CHST8: variants seen among roughly 807,000 people sequenced by gnomAD.
CHST8 encodes the protein GALNAC-4-ST1.
Under a neutral mutation model 15.0 loss-of-function variants are expected in CHST8, and 10 were observed. The observed-to-expected ratio is 0.67, with a 90% CI of 0.41 to 1.13. CHST8 has a LOEUF of 1.13. Ranked by LOEUF, CHST8 falls within the 50% of genes most tolerant of loss-of-function variation. The pLI, the probability that CHST8 is intolerant of heterozygous loss-of-function variation, is 0.00. For synonymous variants in CHST8, 259 were observed against 256.6 expected (o/e 1.01, Z -0.09); for missense variants, 634 against 608.2 (o/e 1.04, Z -0.45).
intron 1 of CHST8, among the ~76,000 whole-genome samples, chr19:33,648,713 C>T (rs1012689358): frequency 3.0e-4 from 45 of 152,150 alleles, no homozygotes; most frequent in African/African-American, 1.1e-3. Flanking sequence ...TGGGTGTATA[C>T]CCAAGAGAAA....
At chr19:33,749,385 C>G (rs1196628063) in intron 3 of CHST8, among the ~76,000 whole-genome samples, 1 of 147,504 alleles carries the variant, frequency 6.8e-6, no homozygotes, top group East Asian at 2.0e-4. Flanking sequence ...CACCATCCTC[C>G]TACCATCCCC....
chr19:33,683,822 C>T (rs1270209434), intron 2 of CHST8, among the ~76,000 whole-genome samples: 2 of 152,176 alleles, frequency 1.3e-5, no homozygotes, highest in African/African-American at 4.8e-5. Context: ...GAAGGGCTGT[C>T]ACCGCGATGG....
At chr19:33,757,201 G>A (rs1210136359) in intron 3 of CHST8, among the ~76,000 whole-genome samples, 1 of 151,690 alleles carries the variant, frequency 6.6e-6, no homozygotes, top group Non-Finnish European at 1.5e-5. Context: ...ACCAGCCTGG[G>A]CAACATAGTA....
At chr19:33,709,694 A>T (rs2145291535) in intron 3 of CHST8, among the ~76,000 whole-genome samples, 1 of 152,198 alleles carries the variant, frequency 6.6e-6, no homozygotes, top group South Asian at 2.1e-4. Flanking sequence ...TCAGATTAAT[A>T]CAGGATTTAA....
chr19:33,738,688 C>G (rs745795316), intron 3 of CHST8, among the ~76,000 whole-genome samples: 16 of 152,256 alleles, frequency 1.1e-4, no homozygotes, highest in Non-Finnish European at 1.9e-4. Context: ...CTCCAGGGTT[C>G]AAGCAATTCT....
intron 2 of CHST8, among the ~76,000 whole-genome samples, chr19:33,673,581 G>A (rs1428470140): frequency 6.6e-6 from 1 of 152,090 alleles, no homozygotes; most frequent in Non-Finnish European, 1.5e-5. Context: ...CCACCAGGCC[G>A]GAGGACGTCT....
intron 3 of CHST8, among the ~76,000 whole-genome samples, chr19:33,730,296 G>A (rs774476768): frequency 4.6e-5 from 7 of 152,226 alleles, no homozygotes; most frequent in Non-Finnish European, 7.3e-5. Context: ...ACAGTCAGAG[G>A]AAGCAAGGTT....
intron 3 of CHST8, among the ~76,000 whole-genome samples, chr19:33,733,991 A>G (rs975093218): frequency 1.2e-4 from 18 of 152,192 alleles, no homozygotes; most frequent in Admixed American, 1.1e-3. Context: ...AACCAGAGCA[A>G]CTCCATCTTG....
intron 3 of CHST8, among the ~76,000 whole-genome samples, chr19:33,722,535 A>G (rs748970943): frequency 6.6e-6 from 1 of 152,160 alleles, no homozygotes; most frequent in Non-Finnish European, 1.5e-5. Flanking sequence ...CAGTTCGCAC[A>G]CCCAGCATTC....
chr19:33,689,655 A>G (rs1003040103), intron 3 of CHST8, among the ~76,000 whole-genome samples: 3 of 152,220 alleles, frequency 2.0e-5, no homozygotes, highest in Non-Finnish European at 2.9e-5. Context: ...CTATTGAGCC[A>G]GTTGTTGCCC....
intron 3 of CHST8, among the ~76,000 whole-genome samples, chr19:33,699,997 C>T (rs893576699): frequency 1.3e-5 from 2 of 152,236 alleles, no homozygotes; most frequent in Non-Finnish European, 2.9e-5. Flanking sequence ...CCTACCTGCT[C>T]TCTCTGAGCA....
At chr19:33,739,456 G>C (rs1184941536) in intron 3 of CHST8, among the ~76,000 whole-genome samples, 2 of 152,212 alleles carry the variant, frequency 1.3e-5, no homozygotes, top group African/African-American at 4.8e-5. Flanking sequence ...ATATCCCAGA[G>C]AGTGTTTGCA....
intron 3 of CHST8, among the ~76,000 whole-genome samples, chr19:33,749,989 C>A (rs1041938979): frequency 1.8e-4 from 28 of 152,326 alleles, no homozygotes; most frequent in African/African-American, 5.8e-4. Flanking sequence ...CTCCCTGAGG[C>A]CTGGCGCCCC....
At chr19:33,670,216 A>G (rs1258132341) in intron 2 of CHST8, among the ~76,000 whole-genome samples, 1 of 152,200 alleles carries the variant, frequency 6.6e-6, no homozygotes, top group Non-Finnish European at 1.5e-5. Flanking sequence ...ACAAAACCCC[A>G]ATGCATTGAG....
chr19:33,644,569 T>C lies in CHST8; in HGVS notation c.-164+22273T>C, dbSNP rs571002952. Among the ~76,000 whole-genome samples, 48 of 149,186 alleles carry C rather than the reference T, an allele frequency of 3.2e-4. No individual in the cohort carries two copies. In the South Asian group the frequency reaches 9.8e-3, roughly 30 times the overall value. On this transcript the variant is annotated intron_variant, in intron 1 of 4. Transcript: ENST00000650847. ...GGGCAACATAGCAAGACTCCGTCTCTAAAAAAAAAAATTTTTTTTTAATTA... is the reference window on the plus strand; with the variant it reads ...GGGCAACATAGCAAGACTCCGTCTCCAAAAAAAAAAATTTTTTTTTAATTA...
intron 2 of CHST8, among the ~76,000 whole-genome samples, chr19:33,688,474 C>T (rs894320323): frequency 2.0e-5 from 3 of 152,188 alleles, no homozygotes; most frequent in African/African-American, 4.8e-5. Context: ...AGCTGCCCCA[C>T]CTCCACTCCA....
chr19:33,746,535 T>G (rs1398233051), intron 3 of CHST8, among the ~76,000 whole-genome samples: 1 of 152,238 alleles, frequency 6.6e-6, no homozygotes, highest in Non-Finnish European at 1.5e-5. Flanking sequence ...GTTGGTGTTT[T>G]TCTTACAGGC....
At chr19:33,721,948 G>T (rs1188510284) in intron 3 of CHST8, among the ~76,000 whole-genome samples, 1 of 151,612 alleles carries the variant, frequency 6.6e-6, no homozygotes, top group Non-Finnish European at 1.5e-5. Context: ...TGGATGGGTG[G>T]GTGAGTGGGC....
chr19:33,642,643 G>A (rs917018460), intron 1 of CHST8, among the ~76,000 whole-genome samples: 6 of 152,156 alleles, frequency 3.9e-5, no homozygotes, highest in Admixed American at 2.6e-4. Flanking sequence ...GATTACAGGC[G>A]TGAGCCACTG....
Sources: allele counts gnomAD v4.1 joint callset (sites outside exome capture counted in the v4.1 genomes callset), GRCh38; gene constraint gnomAD v4.1.1; transcripts MANE v1.5; gene names NCBI Gene and HGNC (gene_info 2026-07-23, HGNC 2026-07-21).